MRTFA: variants seen among roughly 807,000 people sequenced by gnomAD.
MRTFA encodes myocardin-related transcription factor A.
MRTFA carries 20 observed loss-of-function variants against 83.5 expected under a neutral mutation model. That is an observed-to-expected ratio of 0.24 (90% CI 0.17 to 0.35). MRTFA has a LOEUF of 0.35. MRTFA is among the 10% of genes least tolerant of loss of function. The pLI is 1.00. For missense variants in MRTFA, 1,200 were observed against 1,224.7 expected (o/e 0.98, Z 0.30); for synonymous variants, 659 against 541.2 (o/e 1.22, Z -3.02).
rs146530131 is a variant in MRTFA at position 40,411,558 on chromosome 22, C to A, written c.2928G>T (p.Met976Ile). 222 of 1,613,690 alleles carry A rather than the reference C, an allele frequency of 1.4e-4. No individual in the cohort carries two copies. Among genetic ancestry groups the A allele is most frequent in the Non-Finnish European group, 1.8e-4 (217 of 1,179,942 alleles). ...GGTGGCCATCAGCCAGGTCCAGGCC[C>A]ATGGTGCTGCTGGGCTCAGGAACAA... Residue 976 changes from methionine to isoleucine, a missense_variant, in exon 15 of 15, where the codon ATG becomes ATT. This residue lies in a region of MRTFA where 1,107 missense variants were observed against 1,041.8 expected (regional missense o/e 1.06). Transcript: ENST00000355630.
At chr22:40,588,966 G>A (rs1304724085) in intron 2 of MRTFA, among the ~76,000 whole-genome samples, 1 of 152,140 alleles carries the variant, frequency 6.6e-6, no homozygotes, top group East Asian at 1.9e-4. Flanking sequence ...TGGGGCAATA[G>A]AGTAAGACCT....
intron 4 of MRTFA, among the ~76,000 whole-genome samples, chr22:40,441,933 C>A (rs1164440029): frequency 3.3e-5 from 5 of 151,872 alleles, no homozygotes; most frequent in Non-Finnish European, 4.4e-5. Context: ...TGTGTGATGA[C>A]AGCGCAGGGG....
At chr22:40,544,421 C>T (rs920103735) in intron 3 of MRTFA, among the ~76,000 whole-genome samples, 1 of 152,072 alleles carries the variant, frequency 6.6e-6, no homozygotes, top group Non-Finnish European at 1.5e-5. Context: ...GAGAGGGGGT[C>T]TTGCTATGTT....
chr22:40,582,657 T>TACAC (rs559092053), intron 2 of MRTFA, among the ~76,000 whole-genome samples: 7 of 143,536 alleles, frequency 4.9e-5, no homozygotes, highest in African/African-American at 1.9e-4. Context: ...TTTAACTTTA[T>TACAC]ACACACATAC....
chr22:40,627,790 G>A (rs909530644), intron 1 of MRTFA, among the ~76,000 whole-genome samples: 1 of 152,106 alleles, frequency 6.6e-6, no homozygotes, highest in African/African-American at 2.4e-5. Flanking sequence ...ATCAGCCTGG[G>A]GAACACTGTG....
chr22:40,417,424 G>A lies in MRTFA; in HGVS notation c.2434C>T (p.Pro812Ser). 6.2e-7 allele frequency: 1 copy of A among 1,609,258 alleles called. No homozygotes were observed. Among genetic ancestry groups the A allele is most frequent in the Non-Finnish European group, 8.5e-7 (1 of 1,178,780 alleles). Residue 812 changes from proline to serine, a missense_variant, in exon 13 of 15, where the codon CCC becomes TCC. Physicochemically the swap from Pro to Ser is moderately conservative, Grantham distance 74 (BLOSUM62 -1). Around this residue, in one of 2 missense-constraint regions of MRTFA, gnomAD observed 1,107 missense variants for 1,041.8 expected, o/e 1.06. Coordinates refer to ENST00000355630, the MANE Select transcript of MRTFA (RefSeq NM_020831.6). ...AGAGAAGTGGGGGTCCCAAAGAGGG[G>A]CTGCAGTGGGTGCTCCAGGTCCATC... is the stretch of plus-strand genomic sequence containing the variant.
chr22:40,418,658 C>G lies in MRTFA; in HGVS notation c.2080G>C (p.Ala694Pro). 1 of 1,383,246 alleles carries G rather than the reference C, an allele frequency of 7.2e-7. No individual in the cohort carries two copies. Among genetic ancestry groups the G allele is most frequent in the South Asian group, 1.3e-5 (1 of 75,688 alleles). The allele number at this position is 1,383,246 out of a possible 1,614,324, so 85.7% of individuals were successfully genotyped here. ...GCCAGGCTGGGGTTGAATGGGTGAGCGGGGCCCAGGGGCTGCTGGCTCAGC... is the reference window on the plus strand; with the variant it reads ...GCCAGGCTGGGGTTGAATGGGTGAGGGGGGCCCAGGGGCTGCTGGCTCAGC... Residue 694 changes from alanine to proline, a missense_variant, in exon 12 of 15, where the codon GCT (alanine) becomes CCT (proline). Coordinates refer to ENST00000355630, the MANE Select transcript of MRTFA (RefSeq NM_020831.6).
At chr22:40,446,995 A>G (rs1468783633) in intron 4 of MRTFA, among the ~76,000 whole-genome samples, 1 of 152,150 alleles carries the variant, frequency 6.6e-6, no homozygotes, top group Non-Finnish European at 1.5e-5. Context: ...ACTATAAAGC[A>G]AGTTATAAGT....
chr22:40,438,581 T>C (rs988301254), intron 4 of MRTFA, among the ~76,000 whole-genome samples: 2 of 152,234 alleles, frequency 1.3e-5, no homozygotes, highest in African/African-American at 4.8e-5. Context: ...ACAGCATACA[T>C]AGTCCCCCTC....
chr22:40,503,463 G>A (rs533283931), intron 3 of MRTFA, among the ~76,000 whole-genome samples: 14 of 152,258 alleles, frequency 9.2e-5, no homozygotes, highest in African/African-American at 2.6e-4. Flanking sequence ...TGCCCGCCTC[G>A]GCTTCTCAAA....
rs766204852 is a variant in MRTFA at position 40,420,614 on chromosome 22, C to T, written c.1182-38G>A. ...GGCAGAAATTAGCCCCATCCAGCTT[C>T]GCCCGTGGCCTCTGCAGGTGGCAGC... On this transcript the variant is annotated intron_variant, in intron 10 of 14. Coordinates refer to ENST00000355630, the MANE Select transcript of MRTFA (RefSeq NM_020831.6). The T allele has an allele frequency of 7.6e-5, 121 of 1,602,246 alleles. No homozygotes were observed. The East Asian group carries it at 2.2e-3, about 29-fold the overall frequency.
chr22:40,618,087 T>G (rs534277030), intron 1 of MRTFA, among the ~76,000 whole-genome samples: 6 of 151,542 alleles, frequency 4.0e-5, no homozygotes, highest in African/African-American at 7.3e-5. Context: ...TTTGTTTTTT[T>G]TTTTTGAGAC....
At chr22:40,530,906 T>G (rs1352127964) in intron 3 of MRTFA, among the ~76,000 whole-genome samples, 1 of 152,230 alleles carries the variant, frequency 6.6e-6, no homozygotes, top group Non-Finnish European at 1.5e-5. Flanking sequence ...AAGCTTATAC[T>G]TATCAGGGAA....
At chr22:40,513,496 G>A (rs2054701222) in intron 3 of MRTFA, among the ~76,000 whole-genome samples, 1 of 151,552 alleles carries the variant, frequency 6.6e-6, no homozygotes, top group Admixed American at 6.6e-5. Context: ...AGCTATTTGG[G>A]AGGCTAAGGC....
At chr22:40,585,467 G>A (rs1348592301) in intron 2 of MRTFA, among the ~76,000 whole-genome samples, 1 of 152,092 alleles carries the variant, frequency 6.6e-6, no homozygotes, top group Non-Finnish European at 1.5e-5. Context: ...TTCACAAGCT[G>A]AAAAGAGTTC....
intron 1 of MRTFA, among the ~76,000 whole-genome samples, chr22:40,617,796 A>G (rs2056471996): frequency 6.6e-6 from 1 of 152,078 alleles, no homozygotes. Flanking sequence ...CCTACAAAAA[A>G]TCAACTATGT....
chr22:40,421,818 G>A (rs901923389), intron 9 of MRTFA, among the ~76,000 whole-genome samples: 35 of 152,164 alleles, frequency 2.3e-4, no homozygotes, highest in African/African-American at 6.8e-4. Flanking sequence ...ACGGAGAGCC[G>A]AGAAGTTTTG....
chr22:40,504,509 T>C (rs1475739003), intron 3 of MRTFA, among the ~76,000 whole-genome samples: 1 of 152,228 alleles, frequency 6.6e-6, no homozygotes, highest in Non-Finnish European at 1.5e-5. Flanking sequence ...CCTTTTCTGA[T>C]TAATAAAACC....
rs561496939 is a variant in MRTFA, at chr22:40,410,829, C to G, written c.*561G>C. The G allele has an allele frequency of 1.3e-5, 3 of 232,386 alleles. No individual in the cohort carries two copies. In the South Asian group the frequency reaches 5.4e-4, roughly 42 times the overall value. 14.4% of individuals were successfully genotyped at this position (232,386 alleles called of 1,614,324 possible). The stretch of plus-strand genomic sequence containing the variant: ...TCGATATATAATATAGAGGTATATA[C>G]ACCTGTACATAAAATTGTTGCCACC... On this transcript the variant is annotated 3_prime_UTR_variant, in exon 15 of 15. Coordinates refer to ENST00000355630, the MANE Select transcript of MRTFA (RefSeq NM_020831.6).
Sources: allele counts gnomAD v4.1 joint callset (sites outside exome capture counted in the v4.1 genomes callset), GRCh38; gene constraint gnomAD v4.1.1; regional missense constraint gnomAD v4.1.1; transcripts MANE v1.5; gene names NCBI Gene and HGNC (gene_info 2026-07-23, HGNC 2026-07-21).